Variants in LRRTM4 observed in about 807,000 individuals in gnomAD.
LRRTM4 encodes the protein leucine-rich repeat transmembrane neuronal protein 4.
In LRRTM4, 25 loss-of-function variants were observed where a neutral mutation model predicts 47.6. The observed-to-expected ratio is 0.53, with a 90% confidence interval of 0.38 to 0.73. The LOEUF is 0.73. Ranked by LOEUF, LRRTM4 falls within the 30% of genes least tolerant of loss-of-function variation. The pLI is 0.00. For missense variants in LRRTM4, 638 were observed against 713.4 expected, an observed-to-expected ratio of 0.89 and a Z score of 1.20; for synonymous variants, 311 against 269.5, an observed-to-expected ratio of 1.15 and a Z score of -1.51.
chr2:77,478,770 A>G (rs139448478), intron 3 of LRRTM4, among the ~76,000 whole-genome samples: 13 of 152,370 alleles, frequency 8.5e-5, no homozygotes, highest in Admixed American at 4.6e-4. Context: ...TGAGGATGGT[A>G]TCTGCTATAA....
chr2:76,885,349 C>T (rs1673040085), intron 3 of LRRTM4, among the ~76,000 whole-genome samples: 1 of 151,946 alleles, frequency 6.6e-6, no homozygotes, highest in Admixed American at 6.6e-5. Context: ...TCCTTGTTTT[C>T]CTATTGCCTG....
chr2:77,092,013 A>C (rs1670659406), intron 3 of LRRTM4, among the ~76,000 whole-genome samples: 1 of 151,912 alleles, frequency 6.6e-6, no homozygotes, highest in African/African-American at 2.4e-5. Context: ...CCCAGCCCTC[A>C]TGTCTGCGTG....
chr2:77,362,627 G>A (rs1297032122), intron 3 of LRRTM4, among the ~76,000 whole-genome samples: 1 of 152,076 alleles, frequency 6.6e-6, no homozygotes, highest in Non-Finnish European at 1.5e-5. Context: ...GGTCCGATTC[G>A]TCTTTTGTCC....
intron 3 of LRRTM4, among the ~76,000 whole-genome samples, chr2:76,838,473 G>C (rs556691976): frequency 4.5e-4 from 69 of 152,216 alleles, no homozygotes; most frequent in African/African-American, 1.5e-3. Context: ...ATTAATGATA[G>C]TGTAAAAGAA....
chr2:76,992,814 A>G (rs1006430756), intron 3 of LRRTM4, among the ~76,000 whole-genome samples: 1 of 140,840 alleles, frequency 7.1e-6, no homozygotes, highest in African/African-American at 2.7e-5. Context: ...CAAGATAGCC[A>G]AAGAAATCCT....
At chr2:77,084,080 C>CA (rs1351684085) in intron 3 of LRRTM4, among the ~76,000 whole-genome samples, 5 of 152,044 alleles carry the variant, frequency 3.3e-5, no homozygotes, top group Non-Finnish European at 7.4e-5. Context: ...GCTGGGATTA[C>CA]AGGTGTGAGC....
At chr2:76,968,807 C>T (rs1465462231) in intron 3 of LRRTM4, among the ~76,000 whole-genome samples, 1 of 151,812 alleles carries the variant, frequency 6.6e-6, no homozygotes, top group Non-Finnish European at 1.5e-5. Flanking sequence ...TTCTCGTGTT[C>T]AGCAAAGCAT....
At position 77,170,598 on chromosome 2, in the gene LRRTM4, G is replaced by A. The variant is rs570720064; in HGVS notation, c.1551+347720C>T. 1.6e-4 allele frequency among the ~76,000 whole-genome samples: 25 copies of A among 152,106 alleles called. No homozygotes were observed. The South Asian group carries it at 3.3e-3, about 20-fold the overall frequency. On this transcript the variant is annotated intron_variant, in intron 3 of 3. Transcript: ENST00000409884. ...TGTAGTAACTTGTTTTTGGAGTCAC[G>A]GAAAACTAATACATGGTCATTTTTC...
chr2:76,932,582 A>G (rs2103838075), intron 3 of LRRTM4, among the ~76,000 whole-genome samples: 1 of 152,136 alleles, frequency 6.6e-6, no homozygotes, highest in African/African-American at 2.4e-5. Context: ...CTCTGAACCT[A>G]TGTTTCATTC....
At chr2:77,357,776 C>T (rs1467981242) in intron 3 of LRRTM4, among the ~76,000 whole-genome samples, 1 of 151,990 alleles carries the variant, frequency 6.6e-6, no homozygotes, top group Non-Finnish European at 1.5e-5. Context: ...ATGAGTGTAG[C>T]ATTAGTGTGC....
At chr2:76,943,914 C>A (rs1372710368) in intron 3 of LRRTM4, among the ~76,000 whole-genome samples, 2 of 152,132 alleles carry the variant, frequency 1.3e-5, no homozygotes, top group African/African-American at 4.8e-5. Flanking sequence ...CATATCTTTT[C>A]ATACTTGGGG....
intron 3 of LRRTM4, among the ~76,000 whole-genome samples, chr2:77,121,367 T>A (rs899005207): frequency 6.6e-6 from 1 of 151,764 alleles, no homozygotes; most frequent in Admixed American, 6.6e-5. Flanking sequence ...GCATAATAAA[T>A]TACCTCTTCC....
intron 3 of LRRTM4, among the ~76,000 whole-genome samples, chr2:77,479,664 T>C (rs1431324590): frequency 6.6e-6 from 1 of 152,172 alleles, no homozygotes; most frequent in Non-Finnish European, 1.5e-5. Flanking sequence ...CTGCCAATTC[T>C]TTGTGGCATT....
chr2:77,511,600 T>A (rs1461818154), intron 3 of LRRTM4, among the ~76,000 whole-genome samples: 1 of 152,016 alleles, frequency 6.6e-6, no homozygotes, highest in East Asian at 1.9e-4. Flanking sequence ...TTATTTATTT[T>A]AAGCAAATAC....
At chr2:77,312,077 A>G (rs1459585309) in intron 3 of LRRTM4, among the ~76,000 whole-genome samples, 1 of 152,002 alleles carries the variant, frequency 6.6e-6, no homozygotes, top group Non-Finnish European at 1.5e-5. Flanking sequence ...CCCACCTTGG[A>G]CCCATAAACT....
chr2:76,963,457 G>T (rs888373350), intron 3 of LRRTM4, among the ~76,000 whole-genome samples: 2 of 150,738 alleles, frequency 1.3e-5, no homozygotes. Flanking sequence ...ACATGATCAG[G>T]CAATACGTAA....
intron 3 of LRRTM4, among the ~76,000 whole-genome samples, chr2:77,199,644 A>T (rs889666487): frequency 6.6e-6 from 1 of 152,154 alleles, no homozygotes; most frequent in African/African-American, 2.4e-5. Context: ...TAGTTACAAG[A>T]ATCTTCATAG....
intron 3 of LRRTM4, among the ~76,000 whole-genome samples, chr2:77,266,528 A>G (rs1451793471): frequency 6.6e-6 from 1 of 152,158 alleles, no homozygotes; most frequent in Non-Finnish European, 1.5e-5. Flanking sequence ...TTTTGGGGAA[A>G]AAAGAAGATA....
Position 77,519,690 on chromosome 2 carries a change from G to A in LRRTM4, c.179C>T (p.Ser60Phe). The A allele has an allele frequency of 4.3e-6, 7 of 1,613,386 alleles. No individual in the cohort carries two copies. Among genetic ancestry groups the A allele is most frequent in the Non-Finnish European group, 5.1e-6 (6 of 1,179,606 alleles). The part of the protein sequence containing the change: ...HAFADIPENI[S>F]GGSQGLSLRF... ...TAATGATAAGCCTTGTGACCCTCCA[G>A]AAATGTTCTCAGGGATATCTGCGAA... The change falls in exon 3 of 4, where the codon TCT becomes TTT. Residue 60 changes from serine (S) to phenylalanine (F), a missense_variant. Ser to Phe is a radical substitution (Grantham distance 155). Transcript: ENST00000409884. This position sits in a 1 kb window ranked among gnomAD's most constrained non-coding sequence, Gnocchi z 4.6.
Sources: allele counts gnomAD v4.1 joint callset (sites outside exome capture counted in the v4.1 genomes callset), GRCh38; gene constraint gnomAD v4.1.1; non-coding constraint Gnocchi (gnomAD v3.1); transcripts MANE v1.5; gene names NCBI Gene and HGNC (gene_info 2026-07-23, HGNC 2026-07-21).